The following AGBL4 variants were observed in gnomAD, a reference collection of about 807,000 sequenced individuals.
The protein encoded by AGBL4 is cytosolic carboxypeptidase 6.
AGBL4 carries 58 observed loss-of-function variants against 66.4 expected under a neutral mutation model. The observed-to-expected ratio is 0.87, with a 90% CI of 0.71 to 1.09. The LOEUF (loss-of-function observed/expected upper bound fraction) is 1.09. Ranked by LOEUF, AGBL4 falls within the 50% of genes least tolerant of loss-of-function variation. The probability of loss-of-function intolerance (pLI) is 0.00; values close to 1 mark genes in which losing one functional copy is unlikely to be tolerated. For missense variants in AGBL4, 579 were observed against 631.0 expected (o/e 0.92, Z 0.88); for synonymous variants, 234 against 222.9 (o/e 1.05, Z -0.44).
chr1:49,689,690 C>G (rs1330655041), intron 3 of AGBL4, among the ~76,000 whole-genome samples: 1 of 152,162 alleles, frequency 6.6e-6, no homozygotes, highest in Admixed American at 6.6e-5. Flanking sequence ...GTTGATTCTT[C>G]TAATCCATGA....
intron 4 of AGBL4, among the ~76,000 whole-genome samples, chr1:49,139,520 A>G (rs947303746): frequency 6.6e-6 from 1 of 152,138 alleles, no homozygotes; most frequent in Admixed American, 6.6e-5. Flanking sequence ...CTTTAAGTCC[A>G]AGGATCATTT....
chr1:48,764,239 T>C (rs1374981867), intron 6 of AGBL4, among the ~76,000 whole-genome samples: 1 of 152,226 alleles, frequency 6.6e-6, no homozygotes, highest in Non-Finnish European at 1.5e-5. Context: ...TGAGCTAGAC[T>C]CCTTACTTGC....
intron 4 of AGBL4, among the ~76,000 whole-genome samples, chr1:49,136,925 G>A (rs189050608): frequency 6.6e-6 from 1 of 152,208 alleles, no homozygotes; most frequent in African/African-American, 2.4e-5. Context: ...GAGGTTCACA[G>A]CAGGTTAAAA....
intron 4 of AGBL4, among the ~76,000 whole-genome samples, chr1:49,095,595 T>C (rs1645082194): frequency 6.6e-6 from 1 of 152,136 alleles, no homozygotes; most frequent in Non-Finnish European, 1.5e-5. Flanking sequence ...GGGAAAGGAT[T>C]CCCTATTTAA....
At chr1:49,926,976 G>A (rs966779905) in intron 1 of AGBL4, among the ~76,000 whole-genome samples, 1 of 152,190 alleles carries the variant, frequency 6.6e-6, no homozygotes, top group African/African-American at 2.4e-5. Flanking sequence ...GAGTACCAAA[G>A]CTGAAGAACA....
At chr1:49,504,720 T>C (rs1648519985) in intron 3 of AGBL4, among the ~76,000 whole-genome samples, 1 of 152,064 alleles carries the variant, frequency 6.6e-6, no homozygotes, top group Non-Finnish European at 1.5e-5. Context: ...TCACTTTCAG[T>C]GTATCTGTGT....
In AGBL4 at chr1:49,847,770, C is replaced by T. The variant is rs977031636; in HGVS notation, c.157+3626G>A. On this transcript the variant is annotated intron_variant, in intron 2 of 13. Coordinates refer to ENST00000371839, the MANE Select transcript of AGBL4 (RefSeq NM_032785.4). ...AGGCTGGAGGGCAGTGGCGCGATCT[C>T]GGCTCACTGCAGGCTCCACCCGCCA... Among the ~76,000 whole-genome samples the T allele has an allele frequency of 2.6e-5, 4 of 151,022 alleles. No individual in the cohort carries two copies. The South Asian group carries it at 6.2e-4, about 24-fold the overall frequency.
At chr1:48,731,425 T>G (rs1300104484) in intron 6 of AGBL4, among the ~76,000 whole-genome samples, 3 of 152,108 alleles carry the variant, frequency 2.0e-5, no homozygotes, top group African/African-American at 4.8e-5. Context: ...AGGCAAGCAT[T>G]TATAGGCAAT....
At chr1:49,210,474 C>T (rs1167801806) in intron 4 of AGBL4, among the ~76,000 whole-genome samples, 1 of 152,006 alleles carries the variant, frequency 6.6e-6, no homozygotes, top group Non-Finnish European at 1.5e-5. Flanking sequence ...TCTCCACAAA[C>T]AATAGCAGCA....
At chr1:48,578,899 CTCACAGTCTAGCTTTCT>C (rs1644694093) in intron 11 of AGBL4, among the ~76,000 whole-genome samples, 1 of 152,174 alleles carries the variant, frequency 6.6e-6, no homozygotes, top group African/African-American at 2.4e-5. Context: ...GGGGTTTTAA[CTCACAGTCTAGCTTTCT>C]TTTCACCAAG....
intron 7 of AGBL4, among the ~76,000 whole-genome samples, chr1:48,654,868 A>C (rs1645993881): frequency 6.6e-6 from 1 of 152,200 alleles, no homozygotes; most frequent in African/African-American, 2.4e-5. Flanking sequence ...GCCCTAATTT[A>C]TTTGTTGGTC....
chr1:48,621,905 CTTTAAACAAAACAATATAT>C (rs1645419559), intron 9 of AGBL4, among the ~76,000 whole-genome samples: 1 of 151,886 alleles, frequency 6.6e-6, no homozygotes, highest in Non-Finnish European at 1.5e-5. Flanking sequence ...TGGCTCAAAG[CTTTAAACAAAACAATATAT>C]TTTACAACCC....
At chr1:49,367,693 G>T (rs1195590528) in intron 3 of AGBL4, among the ~76,000 whole-genome samples, 1 of 152,046 alleles carries the variant, frequency 6.6e-6, no homozygotes, top group Non-Finnish European at 1.5e-5. Flanking sequence ...TAGATGTTTG[G>T]GTTCTTACGA....
chr1:49,696,690 A>C (rs766269199), intron 3 of AGBL4, among the ~76,000 whole-genome samples: 4 of 152,102 alleles, frequency 2.6e-5, no homozygotes, highest in African/African-American at 4.8e-5. Flanking sequence ...TGAAAAAAAA[A>C]CTGAAACACT....
chr1:49,371,921 A>G (rs1188633915), intron 3 of AGBL4, among the ~76,000 whole-genome samples: 1 of 151,886 alleles, frequency 6.6e-6, no homozygotes, highest in Non-Finnish European at 1.5e-5. Context: ...CTCCAAAAGG[A>G]AAAGCAATAC....
intron 9 of AGBL4, among the ~76,000 whole-genome samples, chr1:48,628,635 T>G (rs980717657): frequency 1.3e-5 from 2 of 152,076 alleles, no homozygotes; most frequent in African/African-American, 4.8e-5. Flanking sequence ...CTGTTATAAA[T>G]CCTGCACACC....
At chr1:49,911,945 G>A (rs975099415) in intron 1 of AGBL4, among the ~76,000 whole-genome samples, 1 of 152,206 alleles carries the variant, frequency 6.6e-6, no homozygotes, top group Non-Finnish European at 1.5e-5. Flanking sequence ...ACAGGGACCT[G>A]TATTTTACAG....
At chr1:49,182,901 C>T (rs981927456) in intron 4 of AGBL4, among the ~76,000 whole-genome samples, 15 of 152,036 alleles carry the variant, frequency 9.9e-5, no homozygotes, top group African/African-American at 3.6e-4. Flanking sequence ...ATTGAAATAC[C>T]ATAGTTCCAT....
In AGBL4 at chr1:48,889,731, A is replaced by C. The variant is rs192054405; in HGVS notation, c.595-22501T>G. 3.1e-3 allele frequency among the ~76,000 whole-genome samples: 473 copies of C among 152,298 alleles called. 1 individual carries two copies. The highest frequency in any genetic ancestry group is 0.011 in the African/African-American group (444 of 41,546). On this transcript the variant is annotated intron_variant, in intron 5 of 13. Coordinates refer to ENST00000371839, the MANE Select transcript of AGBL4 (RefSeq NM_032785.4). Reference sequence around the variant, plus strand: ...GCTGAACTCCTTCATTCTATAAAACAAAGGAAGGACCTGCAGGGCAAGGAC... The same window carrying C: ...GCTGAACTCCTTCATTCTATAAAACCAAGGAAGGACCTGCAGGGCAAGGAC...
Sources: allele counts gnomAD v4.1 joint callset (sites outside exome capture counted in the v4.1 genomes callset), GRCh38; gene constraint gnomAD v4.1.1; transcripts MANE v1.5; gene names NCBI Gene and HGNC (gene_info 2026-07-23, HGNC 2026-07-21).